Variants in ATF6B observed in about 807,000 individuals in gnomAD.
ATF6B encodes the protein activating transcription factor 6 beta.
A neutral mutation model predicts 83.5 loss-of-function variants in ATF6B; 50 were observed. The ratio of observed to expected loss-of-function variants is 0.60; its 90% CI spans 0.48 to 0.76. The LOEUF (loss-of-function observed/expected upper bound fraction) is 0.76. Ranked by LOEUF, ATF6B falls within the 30% of genes least tolerant of loss-of-function variation. ATF6B has a pLI of 0.00. For missense variants in ATF6B, 790 were observed against 893.8 expected (o/e 0.88, Z 1.48); for synonymous variants, 344 against 362.8 (o/e 0.95, Z 0.59).
rs1395870849 is a variant in ATF6B, at chr6:32,117,055, G to A, written c.1667C>T (p.Pro556Leu). ...SPPVKAVPIQ[P>L]PGPPERDSVG... ...CACTCACCTTTCTGGGGGTCCAGGGGGTTGGATGGGGACTGCCTTAACTGG... is the reference window on the plus strand; with the variant it reads ...CACTCACCTTTCTGGGGGTCCAGGGAGTTGGATGGGGACTGCCTTAACTGG... Residue 556 changes from proline to leucine, a missense_variant, in exon 15 of 18, where the codon CCC (proline) becomes CTC (leucine). By Grantham distance (98) the Pro-to-Leu change is moderately conservative. This residue lies in a region of ATF6B where 530 missense variants were observed against 632.6 expected (regional missense o/e 0.84). Transcript: ENST00000375203. The surrounding 1 kb of genome is among the most constrained non-coding windows in gnomAD (Gnocchi z 5.0). 1.9e-6 allele frequency: 3 copies of A among 1,614,060 alleles called. No individual in the cohort carries two copies. Among genetic ancestry groups the A allele is most frequent in the Non-Finnish European group, 2.5e-6 (3 of 1,179,974 alleles).
At position 32,116,357 on chromosome 6, in the gene ATF6B, C is replaced by T. The variant is rs1483609756; in HGVS notation, c.1882+123G>A. The T allele has an allele frequency of 3.8e-5, 35 of 911,332 alleles. No homozygotes were observed. The highest frequency in any genetic ancestry group is 3.4e-4 in the Middle Eastern group (1 of 2,908). 56.5% of individuals were successfully genotyped at this position (911,332 alleles called of 1,614,324 possible). Reference sequence around the variant, plus strand: ...TGCTCTTCCCTCCACCTACTTCCTGCTGCTTCTCACCTGTGGGTCCAGCAG... The same window carrying T: ...TGCTCTTCCCTCCACCTACTTCCTGTTGCTTCTCACCTGTGGGTCCAGCAG... On this transcript the variant is annotated intron_variant, in intron 17 of 17. Transcript: ENST00000375203. This position sits in a 1 kb window ranked among gnomAD's most constrained non-coding sequence, Gnocchi z 5.1.
In ATF6B at chr6:32,126,209, A is replaced by C; in HGVS notation, c.386T>G (p.Leu129Trp). The stretch of plus-strand genomic sequence containing the variant: ...TCCCAGGAGACACAGTGGGGGTGCC[A>C]AGGACTCTGTCTTCACATGGAGCAC... ...GEVLHVKTES[L>W]APPLCLLGDD... Residue 129 changes from leucine (L) to tryptophan (W), a missense_variant, in exon 5 of 18, where the codon TTG (leucine) becomes TGG (tryptophan). Transcript: ENST00000375203. The C allele has an allele frequency of 1.2e-6, 2 of 1,614,178 alleles. No homozygotes were observed. The highest frequency in any genetic ancestry group is 1.7e-6 in the Non-Finnish European group (2 of 1,180,024).
In ATF6B at chr6:32,116,331, G is replaced by A; in HGVS notation, c.1882+149C>T. 1.4e-6 allele frequency: 1 copy of A among 736,084 alleles called. No homozygotes were observed. The highest frequency in any genetic ancestry group is 1.9e-5 in the South Asian group (1 of 53,442). The allele number at this position is 736,084 out of a possible 1,614,324, so 45.6% of individuals were successfully genotyped here. A position where few individuals can be genotyped will look rare whatever the true frequency, so the allele number is the denominator to read the frequency against. On this transcript the variant is annotated intron_variant, in intron 17 of 17. Transcript: ENST00000375203. This position sits in a 1 kb window ranked among gnomAD's most constrained non-coding sequence, Gnocchi z 5.1. ...GTCTCCCTCCCAAGTCTCCTGCATG[G>A]TGCTCTTCCCTCCACCTACTTCCTG...
chr6:32,117,359 G>T lies in ATF6B; in HGVS notation c.1578C>A (p.Gly526=). ...LSGWVQRHQR[G]RRKIPQRAQE... is the part of the protein sequence containing the mutation. ...GGGCCCTCTGAGGGATCTTCCTCCG[G>T]CCTCTCTGGTGGCGCTGGACCCAGC... Residue 526 remains glycine (G), a synonymous_variant, in exon 14 of 18, where the codon GGC becomes GGA. Transcript: ENST00000375203. This position sits in a 1 kb window ranked among gnomAD's most constrained non-coding sequence, Gnocchi z 5.0. The T allele has an allele frequency of 5.0e-6, 8 of 1,614,074 alleles. No homozygotes were observed. Among genetic ancestry groups the T allele is most frequent in the Non-Finnish European group, 6.8e-6 (8 of 1,179,984 alleles).
rs759032555 is a variant in ATF6B, at chr6:32,128,149, T to C, written c.59A>G (p.Asn20Ser). 4 of 1,613,298 alleles carry C rather than the reference T, an allele frequency of 2.5e-6. No individual in the cohort carries two copies. The highest frequency in any genetic ancestry group is 1.7e-4 in the Middle Eastern group (1 of 6,060). Residue 20 changes from asparagine to serine, a missense_variant, in exon 1 of 18, where the codon AAC becomes AGC. Around this residue, in one of 3 missense-constraint regions of ATF6B, gnomAD observed 253 missense variants for 243.1 expected, o/e 1.04. Transcript: ENST00000375203. ...ACCCCAGTCCTCCGGGCTAAGCAGG[T>C]TGTCGGTGAAGAAACGCGTCGGGTC... ...IADPTRFFTDNLLSPEDWGLQ... is the reference protein window; with the variant it reads ...IADPTRFFTDSLLSPEDWGLQ...
Position 32,117,915 on chromosome 6 carries a change from C to T in ATF6B, c.1368G>A (p.Gly456=), listed in dbSNP as rs1206594465. ...GGGGCTCCTTAGGGCCCTGGGAGGA[C>T]CCCTGGAGAGGTTCAACTCCCTGAA... is the stretch of plus-strand genomic sequence containing the variant. ...EPVQGVEPLQ[G]SSQGPKEPQP... is the part of the protein sequence containing the mutation. The change falls in exon 12 of 18, where the codon GGG becomes GGA. Residue 456 remains glycine (G), a synonymous_variant. Transcript: ENST00000375203. The surrounding 1 kb of genome is among the most constrained non-coding windows in gnomAD (Gnocchi z 5.0). 1 of 1,604,280 alleles carries T rather than the reference C, an allele frequency of 6.2e-7. No homozygotes were observed. Among genetic ancestry groups the T allele is most frequent in the African/African-American group, 1.3e-5 (1 of 74,712 alleles).
chr6:32,119,695 A>T lies in ATF6B; in HGVS notation c.966+129T>A. 1 of 1,335,332 alleles carries T rather than the reference A, an allele frequency of 7.5e-7. No individual in the cohort carries two copies. The highest frequency in any genetic ancestry group is 1.0e-6 in the Non-Finnish European group (1 of 972,234). The allele number at this position is 1,335,332 out of a possible 1,614,324, so 82.7% of individuals were successfully genotyped here. ...TCCATTCTGACCCTCAGAATGATCT[A>T]ATGGGTCCGTTTCCTCACTTTTTTC... On this transcript the variant is annotated intron_variant, in intron 9 of 17. Transcript: ENST00000375203. This position sits in a 1 kb window ranked among gnomAD's most constrained non-coding sequence, Gnocchi z 4.9.
At chr6:32,127,309 A>T in intron 3 of ATF6B, 115 bp from the exon 4 acceptor site, 1 of 1,365,722 alleles carries the variant, frequency 7.3e-7, no homozygotes. Context: ...AAGAAACAAA[A>T]ATAGGGGATT....
In ATF6B at chr6:32,120,787, G is replaced by A. The variant is rs140760727; in HGVS notation, c.816C>T (p.Leu272=). ...PPSTTVLLQS[L]VQPPPVSPVV... ...CTTCAGTACCTGGGGGTGGCTGGAC[G>A]AGGGACTGCAGAAGGACTGTGGTGC... Residue 272 remains leucine, a synonymous_variant, in exon 8 of 18, where the codon CTC becomes CTT. Coordinates refer to ENST00000375203, the MANE Select transcript of ATF6B (RefSeq NM_004381.5). 122 of 1,610,526 alleles carry A rather than the reference G, an allele frequency of 7.6e-5. No individual in the cohort carries two copies. The highest frequency in any genetic ancestry group is 9.8e-5 in the Non-Finnish European group (116 of 1,178,150).
chr6:32,122,922 A>G (rs559910128), intron 5 of ATF6B, among the ~76,000 whole-genome samples: 4 of 147,916 alleles, frequency 2.7e-5, no homozygotes, highest in African/African-American at 1.0e-4. Context: ...AACCACTATC[A>G]GAACTATTTA....
rs1002545913 is a variant in ATF6B, at chr6:32,119,845, G to A, written c.945C>T (p.Asn315=). The part of the protein sequence containing the change: ...KSIVPAPMPG[N]SCPPEVDAKL... ...TTACATCCACTTCAGGCGGGCAGGA[G>A]TTTCCAGGCATAGGAGCGGGAACGA... The change falls in exon 9 of 18, where the codon AAC becomes AAT. Residue 315 remains asparagine (N), a synonymous_variant. Transcript: ENST00000375203. This position sits in a 1 kb window ranked among gnomAD's most constrained non-coding sequence, Gnocchi z 4.9. 18 of 1,614,164 alleles carry A rather than the reference G, an allele frequency of 1.1e-5. No individual in the cohort carries two copies. The highest frequency in any genetic ancestry group is 1.4e-5 in the Non-Finnish European group (16 of 1,180,026).
Position 32,128,011 on chromosome 6 carries a change from A to G in ATF6B, c.91+106T>C. On this transcript the variant is annotated intron_variant, in intron 1 of 17. Coordinates refer to ENST00000375203, the MANE Select transcript of ATF6B (RefSeq NM_004381.5). ...AGCCCCCTGCTCCGCTCTCCTTCAGATGGCGGATTCCGTATTTGCCCAGAC... is the reference window on the plus strand; with the variant it reads ...AGCCCCCTGCTCCGCTCTCCTTCAGGTGGCGGATTCCGTATTTGCCCAGAC... The G allele has an allele frequency of 2.9e-6, 4 of 1,374,466 alleles. No individual in the cohort carries two copies. In the South Asian group the frequency reaches 3.6e-5, roughly 12 times the overall value. The allele number at this position is 1,374,466 out of a possible 1,614,324, so 85.1% of individuals were successfully genotyped here. A position where few individuals can be genotyped will look rare whatever the true frequency, so the allele number is the denominator to read the frequency against.
Position 32,118,783 on chromosome 6 carries a change from T to C in ATF6B, c.1236A>G (p.Gly412=), listed in dbSNP as rs1781633125. The C allele has an allele frequency of 6.8e-6, 11 of 1,613,994 alleles. No individual in the cohort carries two copies. Among genetic ancestry groups the C allele is most frequent in the Non-Finnish European group, 9.3e-6 (11 of 1,180,008 alleles). The part of the protein sequence containing the change: ...VFLLFIAFNF[G]PVSISEPPSA... ...AGCAAGGAAGGTCTCACCTGACAGG[T>C]CCAAAGTTGAAGGCAATGAAGAGAA... The change falls in exon 11 of 18, where the codon GGA becomes GGG. Residue 412 remains glycine, a synonymous_variant. Transcript: ENST00000375203. This position sits in a 1 kb window ranked among gnomAD's most constrained non-coding sequence, Gnocchi z 5.2.
In ATF6B at chr6:32,128,211, T is replaced by TCTC; in HGVS notation, c.-5_-4insGAG. 1.3e-6 allele frequency: 2 copies of TCTC among 1,536,880 alleles called. No individual in the cohort carries two copies. Among genetic ancestry groups the TCTC allele is most frequent in the South Asian group, 1.1e-5 (1 of 87,860 alleles). On this transcript the variant is annotated 5_prime_UTR_variant, in exon 1 of 18. Transcript: ENST00000375203. Reference sequence around the variant, plus strand: ...TGAGCAGCATCAGCTCCGCCATCTTTCCCCCCCACCCCCCAACCAGGAGAC... The same window carrying TCTC: ...TGAGCAGCATCAGCTCCGCCATCTTTCTCCCCCCCCACCCCCCAACCAGGAGAC...
chr6:32,126,037 C>T, intron 5 of ATF6B, 80 bp downstream of exon 5: 1 of 1,513,946 alleles, frequency 6.6e-7, no homozygotes, highest in Non-Finnish European at 8.9e-7. Flanking sequence ...CACTTCCCCT[C>T]CATCTACACA....
intron 5 of ATF6B, 57 bp from the exon 6 acceptor site, chr6:32,121,405 GA>G: frequency 6.5e-7 from 1 of 1,535,958 alleles, no homozygotes; most frequent in Non-Finnish European, 9.0e-7. Context: ...GAAGGGTTAA[GA>G]GGGTTAAGAT....
At chr6:32,124,042 A>G (rs933982262) in intron 5 of ATF6B, among the ~76,000 whole-genome samples, 1 of 152,148 alleles carries the variant, frequency 6.6e-6, no homozygotes, top group Non-Finnish European at 1.5e-5. Context: ...CTCTACTAAA[A>G]ATACAAAATT....
rs182092580 is a variant in ATF6B, at chr6:32,122,644, C to T, written c.479-1296G>A. The stretch of plus-strand genomic sequence containing the variant: ...CAGGTGGATCACGAGGTCAGGAGAT[C>T]GAGACCATCCTGGCTAACACGGTGA... On this transcript the variant is annotated intron_variant, in intron 5 of 17. Transcript: ENST00000375203. Among the ~76,000 whole-genome samples, 1,200 of 150,618 alleles carry T rather than the reference C, an allele frequency of 8.0e-3. 15 individuals are homozygous for T. The highest frequency in any genetic ancestry group is 0.026 in the African/African-American group (1,055 of 40,986).
At chr6:32,123,474 C>T (rs898156849) in intron 5 of ATF6B, among the ~76,000 whole-genome samples, 8 of 151,954 alleles carry the variant, frequency 5.3e-5, no homozygotes, top group African/African-American at 1.5e-4. Flanking sequence ...CTGCAAGCTC[C>T]GCCTCCCGGG....
Sources: allele counts gnomAD v4.1 joint callset (sites outside exome capture counted in the v4.1 genomes callset), GRCh38; gene constraint gnomAD v4.1.1; regional missense constraint gnomAD v4.1.1; non-coding constraint Gnocchi (gnomAD v3.1); transcripts MANE v1.5; gene names NCBI Gene and HGNC (gene_info 2026-07-23, HGNC 2026-07-21).